NCOA5: variants seen among roughly 807,000 people sequenced by gnomAD.
The protein encoded by NCOA5 is nuclear receptor coactivator 5.
A neutral mutation model predicts 59.0 loss-of-function variants in NCOA5; 12 were observed. That is an observed-to-expected ratio of 0.20 (90% confidence interval 0.13 to 0.33). NCOA5 has a LOEUF of 0.33. Among genes scored for constraint, NCOA5 ranks in the 10% least tolerant of loss-of-function variants. NCOA5 has a pLI of 1.00. For missense variants in NCOA5, 655 were observed against 766.6 expected, an observed-to-expected ratio of 0.85 and a Z score of 1.72; for synonymous variants, 270 against 275.5, an observed-to-expected ratio of 0.98 and a Z score of 0.20.
At chr20:46,088,633 G>A (rs1045184928) in intron 1 of NCOA5, among the ~76,000 whole-genome samples, 1 of 152,250 alleles carries the variant, frequency 6.6e-6, no homozygotes, top group African/African-American at 2.4e-5. Context: ...CACACCGGGT[G>A]CACCTGAGTG....
At chr20:46,065,294 G>A in intron 5 of NCOA5, 66 bp from the exon 6 acceptor site, 3 of 1,499,268 alleles carry the variant, frequency 2.0e-6, no homozygotes, top group Middle Eastern at 1.8e-4. Flanking sequence ...TCTCAAGCCA[G>A]TTGTGTGTGT....
intron 2 of NCOA5, among the ~76,000 whole-genome samples, chr20:46,078,009 A>G (rs1036329279): frequency 2.0e-5 from 3 of 152,258 alleles, no homozygotes; most frequent in Non-Finnish European, 4.4e-5. Flanking sequence ...AGCATTCTTT[A>G]GAGAGAACAG....
At chr20:46,085,290 G>GA (rs1568888974) in intron 1 of NCOA5, among the ~76,000 whole-genome samples, 6 of 152,070 alleles carry the variant, frequency 3.9e-5, no homozygotes, top group Non-Finnish European at 7.3e-5. Flanking sequence ...GCCCCGCAAA[G>GA]TGTTGGGATT....
At chr20:46,067,661 T>G (rs1282159353) in intron 4 of NCOA5, among the ~76,000 whole-genome samples, 2 of 152,016 alleles carry the variant, frequency 1.3e-5, no homozygotes, top group Non-Finnish European at 2.9e-5. Context: ...AGTTTAAAAT[T>G]AAAAAATTAA....
At chr20:46,083,254 C>T (rs563266970) in intron 1 of NCOA5, among the ~76,000 whole-genome samples, 9 of 152,222 alleles carry the variant, frequency 5.9e-5, no homozygotes, top group African/African-American at 1.9e-4. Context: ...TGACGTTCTG[C>T]GAAATCAGGA....
At chr20:46,079,937 A>G (rs924557427) in intron 1 of NCOA5, among the ~76,000 whole-genome samples, 3 of 152,228 alleles carry the variant, frequency 2.0e-5, no homozygotes, top group African/African-American at 7.2e-5. Flanking sequence ...CCAATATCCC[A>G]TGAAGCAGGG....
In NCOA5 at chr20:46,062,520, C is replaced by T. The variant is rs763283120; in HGVS notation, c.1520G>A (p.Gly507Glu). ...MGPRPGAPSQ[G>E]LFGQPSSRLA... ...GCGACTGGAAGGCTGGCCAAAAAGC[C>T]CTTGGGAAGGAGCCCCAGGTCTGGG... The change falls in exon 8 of 8, where the codon GGG (glycine) becomes GAG (glutamate). Residue 507 changes from glycine to glutamate, a missense_variant. This residue lies in a region of NCOA5 where 325 missense variants were observed against 353.2 expected (regional missense o/e 0.92). Transcript: ENST00000290231. 2.5e-6 allele frequency: 4 copies of T among 1,614,024 alleles called. No homozygotes were observed. Among genetic ancestry groups the T allele is most frequent in the Admixed American group, 1.7e-5 (1 of 59,996 alleles).
At chr20:46,082,025 T>G (rs576091188) in intron 1 of NCOA5, among the ~76,000 whole-genome samples, 16 of 152,156 alleles carry the variant, frequency 1.1e-4, no homozygotes, top group African/African-American at 3.9e-4. Context: ...CTCATCCTAT[T>G]TTTTTTGTCA....
At chr20:46,085,672 T>G (rs1392065847) in intron 1 of NCOA5, among the ~76,000 whole-genome samples, 2 of 152,136 alleles carry the variant, frequency 1.3e-5, no homozygotes, top group African/African-American at 4.8e-5. Flanking sequence ...AAGTTTGGTG[T>G]TGGGAACACG....
At chr20:46,069,104 G>A (rs1055012689) in intron 3 of NCOA5, among the ~76,000 whole-genome samples, 2 of 151,924 alleles carry the variant, frequency 1.3e-5, no homozygotes, top group African/African-American at 2.4e-5. Flanking sequence ...GAGCCACTGC[G>A]CCTGGCCTAA....
intron 1 of NCOA5, among the ~76,000 whole-genome samples, chr20:46,087,310 C>G (rs982185225): frequency 1.3e-5 from 2 of 152,168 alleles, no homozygotes; most frequent in Admixed American, 6.5e-5. Context: ...CTTAAAAGCA[C>G]AACTAAATTT....
chr20:46,063,690 G>A lies in NCOA5; in HGVS notation c.830-10C>T. 1 of 1,608,778 alleles carries A rather than the reference G, an allele frequency of 6.2e-7. No individual in the cohort carries two copies. Among genetic ancestry groups the A allele is most frequent in the Non-Finnish European group, 8.5e-7 (1 of 1,176,976 alleles). On this transcript the variant is annotated splice_polypyrimidine_tract_variant and intron_variant, in intron 6 of 7. Transcript: ENST00000290231. The stretch of plus-strand genomic sequence containing the variant: ...GGCATGTTGCGATGCTCTGTAGGAG[G>A]AAATGACATGAGTTATTTTCTTCCA...
chr20:46,084,217 G>A (rs2145554150), intron 1 of NCOA5, among the ~76,000 whole-genome samples: 1 of 152,242 alleles, frequency 6.6e-6, no homozygotes, highest in African/African-American at 2.4e-5. Context: ...TTGAAGTTTA[G>A]AGAAATTAAG....
chr20:46,082,838 C>T (rs1276598907), intron 1 of NCOA5, among the ~76,000 whole-genome samples: 2 of 152,006 alleles, frequency 1.3e-5, no homozygotes, highest in Non-Finnish European at 1.5e-5. Context: ...ATGGCAGAAC[C>T]ATTATAAACT....
Position 46,070,296 on chromosome 20 carries a change from T to C in NCOA5, c.279A>G (p.Leu93=), listed in dbSNP as rs2084868044. The C allele has an allele frequency of 2.5e-6, 4 of 1,613,940 alleles. No individual in the cohort carries two copies. The highest frequency in any genetic ancestry group is 2.5e-6 in the Non-Finnish European group (3 of 1,179,968). The change falls in exon 3 of 8, where the codon CTA becomes CTG. Residue 93 remains leucine (L), a synonymous_variant. Transcript: ENST00000290231. ...GATCTCGAAAATCCCTAGAGTCTCT[T>C]AGATCACGAAAGTCTCTAAGATCCC... ...DVRDLRDFRD[L]RDSRDFRDQR...
At chr20:46,087,632 G>A (rs935295661) in intron 1 of NCOA5, among the ~76,000 whole-genome samples, 17 of 152,130 alleles carry the variant, frequency 1.1e-4, no homozygotes, top group Admixed American at 2.0e-4. Flanking sequence ...GGTGGCGCAC[G>A]CCTGTAATCC....
chr20:46,071,188 C>T (rs1385691535), intron 2 of NCOA5, among the ~76,000 whole-genome samples: 1 of 151,108 alleles, frequency 6.6e-6, no homozygotes, highest in African/African-American at 2.4e-5. Flanking sequence ...ACAACCTGAA[C>T]AGTGAAGTCA....
rs1188888053 is a variant in NCOA5 at position 46,081,561 on chromosome 20, C to G, written c.-29-2108G>C. 2.6e-5 allele frequency among the ~76,000 whole-genome samples: 4 copies of G among 152,046 alleles called. No individual in the cohort carries two copies. The East Asian group carries it at 7.7e-4, about 29-fold the overall frequency. On this transcript the variant is annotated intron_variant, in intron 1 of 7. Transcript: ENST00000290231. ...AAACCATTTTGATTGTAATTTGCCTCGTAGTATCTATTTTCATTGGGTAGT... is the reference window on the plus strand; with the variant it reads ...AAACCATTTTGATTGTAATTTGCCTGGTAGTATCTATTTTCATTGGGTAGT...
intron 4 of NCOA5, among the ~76,000 whole-genome samples, chr20:46,068,033 C>T (rs559398400): frequency 1.2e-4 from 18 of 152,100 alleles, no homozygotes; most frequent in African/African-American, 4.1e-4. Flanking sequence ...TAGGCTCCAG[C>T]GATCCTCCTG....
Sources: gnomAD v4.1 joint callset for allele counts (sites outside exome capture counted in the v4.1 genomes callset) on GRCh38, gnomAD v4.1.1 for gene constraint, gnomAD v4.1.1 regional missense constraint, MANE v1.5 for transcripts, NCBI Gene and HGNC (gene_info 2026-07-23, HGNC 2026-07-21) for gene names.